Variants in ROBO1 observed in about 807,000 individuals in gnomAD.
ROBO1 encodes roundabout homolog 1.
ROBO1 carries 149 observed loss-of-function variants against 195.9 expected under a neutral mutation model. The observed-to-expected ratio is 0.76, with a 90% CI of 0.67 to 0.87. The LOEUF is 0.87. Among genes scored for constraint, ROBO1 ranks in the 40% least tolerant of loss-of-function variants. The pLI is 0.00. For synonymous variants in ROBO1, 816 were observed against 733.2 expected (o/e 1.11, Z -1.82); for missense variants, 1,933 against 2,068.3 (o/e 0.93, Z 1.27).
At chr3:79,644,451 TCA>T (rs1325928848) in intron 1 of ROBO1, among the ~76,000 whole-genome samples, 1 of 152,116 alleles carries the variant, frequency 6.6e-6, no homozygotes. Context: ...TGGGGAAGCC[TCA>T]CAATGATGGC....
intron 22 of ROBO1, among the ~76,000 whole-genome samples, chr3:78,636,618 T>C (rs1575816248): frequency 6.6e-6 from 1 of 152,044 alleles, no homozygotes; most frequent in African/African-American, 2.4e-5. Flanking sequence ...TTAAAAGATA[T>C]GGGAACAGGG....
At chr3:79,703,259 T>A (rs879854740) in intron 1 of ROBO1, among the ~76,000 whole-genome samples, 15 of 151,818 alleles carry the variant, frequency 9.9e-5, no homozygotes, top group Non-Finnish European at 2.2e-4. Flanking sequence ...ATAATTAGTA[T>A]CCATTTTTTA....
chr3:79,235,620 A>G (rs1197435024), intron 2 of ROBO1, among the ~76,000 whole-genome samples: 1 of 152,088 alleles, frequency 6.6e-6, no homozygotes, highest in Non-Finnish European at 1.5e-5. Flanking sequence ...TTCCTGGAGG[A>G]TCATCTGTGG....
intron 2 of ROBO1, among the ~76,000 whole-genome samples, chr3:79,332,860 T>C (rs1191134636): frequency 6.6e-6 from 1 of 152,188 alleles, no homozygotes; most frequent in African/African-American, 2.4e-5. Flanking sequence ...TCTGACCTCA[T>C]GGATCTTATA....
chr3:78,823,046 C>A (rs532777202), intron 4 of ROBO1, among the ~76,000 whole-genome samples: 1 of 152,296 alleles, frequency 6.6e-6, no homozygotes, highest in African/African-American at 2.4e-5. Flanking sequence ...TTTTCACTAA[C>A]AATTCAGTCT....
At chr3:79,494,085 T>A (rs974629404) in intron 2 of ROBO1, among the ~76,000 whole-genome samples, 1 of 152,194 alleles carries the variant, frequency 6.6e-6, no homozygotes, top group Non-Finnish European at 1.5e-5. Flanking sequence ...AGAAATCTCC[T>A]GAAGAATGCG....
intron 4 of ROBO1, among the ~76,000 whole-genome samples, chr3:78,914,227 C>T (rs115233039): frequency 0.013 from 1,953 of 152,098 alleles, 40 homozygotes; most frequent in African/African-American, 0.045. Context: ...TTACATTATT[C>T]AAATCTCTTC....
intron 3 of ROBO1, among the ~76,000 whole-genome samples, chr3:79,024,233 T>C (rs996368868): frequency 3.3e-5 from 5 of 152,222 alleles, no homozygotes; most frequent in African/African-American, 1.2e-4. Flanking sequence ...CTAGGTGCTA[T>C]CCTGCTAAGT....
At chr3:78,866,595 A>G (rs2035197159) in intron 4 of ROBO1, among the ~76,000 whole-genome samples, 1 of 152,218 alleles carries the variant, frequency 6.6e-6, no homozygotes, top group African/African-American at 2.4e-5. Flanking sequence ...ATATTTTGTA[A>G]TAATGCATTG....
chr3:79,334,323 T>C (rs1188188235), intron 2 of ROBO1, among the ~76,000 whole-genome samples: 2 of 145,196 alleles, frequency 1.4e-5, no homozygotes, highest in African/African-American at 2.5e-5. Context: ...TATATATATA[T>C]ATATATATGT....
Position 78,780,328 on chromosome 3 carries a change from A to G in ROBO1, c.500-33428T>C, listed in dbSNP as rs548313191. Reference sequence around the variant, plus strand: ...GCTACGTGTTAAAGCAGCATATTACAATAAGACGCAATTTCCAAAATTCAA... The same window carrying G: ...GCTACGTGTTAAAGCAGCATATTACGATAAGACGCAATTTCCAAAATTCAA... On this transcript the variant is annotated intron_variant, in intron 4 of 30. Transcript: ENST00000464233. Among the ~76,000 whole-genome samples, 4 of 152,354 alleles carry G rather than the reference A, an allele frequency of 2.6e-5. No homozygotes were observed. In the South Asian group the frequency reaches 8.3e-4, roughly 32 times the overall value.
chr3:79,121,640 A>G (rs988066644), intron 3 of ROBO1, among the ~76,000 whole-genome samples: 46 of 151,984 alleles, frequency 3.0e-4, no homozygotes, highest in African/African-American at 1.1e-3. Context: ...AAGATTTTAA[A>G]TTTGCATATC....
chr3:78,968,006 T>C (rs767258221), intron 3 of ROBO1, among the ~76,000 whole-genome samples: 8 of 152,204 alleles, frequency 5.3e-5, no homozygotes, highest in Admixed American at 1.3e-4. Flanking sequence ...AATGTTTTCA[T>C]TTCAGTTTAA....
intron 7 of ROBO1, among the ~76,000 whole-genome samples, chr3:78,716,992 T>C (rs1039994380): frequency 1.3e-5 from 2 of 152,140 alleles, no homozygotes; most frequent in African/African-American, 4.8e-5. Flanking sequence ...TAGTATTAAC[T>C]GTCATCTGGT....
chr3:78,941,405 T>C (rs2107702493), intron 3 of ROBO1, among the ~76,000 whole-genome samples: 1 of 152,326 alleles, frequency 6.6e-6, no homozygotes, highest in East Asian at 1.9e-4. Context: ...GAAGATTAAG[T>C]ATTGTAATAT....
intron 4 of ROBO1, among the ~76,000 whole-genome samples, chr3:78,865,313 T>A (rs983560784): frequency 6.6e-6 from 1 of 152,222 alleles, no homozygotes; most frequent in Non-Finnish European, 1.5e-5. Context: ...AAATGCTACA[T>A]TGTTTTGATT....
At chr3:79,694,614 A>T (rs1200392627) in intron 1 of ROBO1, among the ~76,000 whole-genome samples, 1 of 151,800 alleles carries the variant, frequency 6.6e-6, no homozygotes, top group Non-Finnish European at 1.5e-5. Flanking sequence ...CCCTTAAAGT[A>T]AAGTTTGAAG....
intron 3 of ROBO1, among the ~76,000 whole-genome samples, chr3:78,988,171 T>C (rs2077156323): frequency 6.6e-6 from 1 of 152,114 alleles, no homozygotes; most frequent in Admixed American, 6.6e-5. Context: ...GAGTGGACTT[T>C]AAAATCTTGC....
intron 2 of ROBO1, among the ~76,000 whole-genome samples, chr3:79,558,028 C>G (rs1942775586): frequency 6.6e-6 from 1 of 151,974 alleles, no homozygotes; most frequent in Non-Finnish European, 1.5e-5. Flanking sequence ...AATAATCAGC[C>G]TGAATAGAAA....
Sources: gnomAD v4.1 joint callset for allele counts (sites outside exome capture counted in the v4.1 genomes callset) on GRCh38, gnomAD v4.1.1 for gene constraint, MANE v1.5 for transcripts, NCBI Gene and HGNC (gene_info 2026-07-23, HGNC 2026-07-21) for gene names.